The following ANO4 variants were observed in gnomAD, a reference collection of about 807,000 sequenced individuals.
ANO4 encodes the protein anoctamin-4.
In ANO4, 69 loss-of-function variants were observed where a neutral mutation model predicts 141.9. That is an observed-to-expected ratio of 0.49 (90% CI 0.40 to 0.59). ANO4 has a LOEUF of 0.59. ANO4 is among the 20% of genes least tolerant of loss of function. The probability of loss-of-function intolerance (pLI) is 0.00; values close to 1 mark genes in which losing one functional copy is unlikely to be tolerated. For missense variants in ANO4, 894 were observed against 1,162.2 expected (o/e 0.77, Z 3.36); for synonymous variants, 350 against 394.3 (o/e 0.89, Z 1.33).
At chr12:100,784,519 A>G (rs1029969252) in intron 3 of ANO4, among the ~76,000 whole-genome samples, 2 of 152,196 alleles carry the variant, frequency 1.3e-5, no homozygotes, top group African/African-American at 2.4e-5. Flanking sequence ...TTGAGAGTCA[A>G]TAATTTACAG....
chr12:100,838,808 G>A (rs2037083491), intron 1 of ANO4, among the ~76,000 whole-genome samples: 1 of 152,134 alleles, frequency 6.6e-6, no homozygotes, highest in African/African-American at 2.4e-5. Flanking sequence ...CTAATATGTT[G>A]GATTGCAGAG....
At chr12:100,979,702 G>A (rs2044362885) in intron 7 of ANO4, among the ~76,000 whole-genome samples, 1 of 151,922 alleles carries the variant, frequency 6.6e-6, no homozygotes, top group Admixed American at 6.6e-5. Context: ...GTGAATAAGA[G>A]CTTGAGAAAT....
chr12:101,028,590 C>T (rs952475402), intron 9 of ANO4, among the ~76,000 whole-genome samples: 8 of 152,154 alleles, frequency 5.3e-5, no homozygotes, highest in African/African-American at 1.9e-4. Context: ...GTTTGAAGAC[C>T]ACCTCACTGA....
chr12:101,064,760 A>G (rs2048508211), intron 14 of ANO4, among the ~76,000 whole-genome samples: 1 of 151,816 alleles, frequency 6.6e-6, no homozygotes, highest in Non-Finnish European at 1.5e-5. Context: ...CCCACTATCA[A>G]CAACGGTCCA....
intron 5 of ANO4, among the ~76,000 whole-genome samples, chr12:100,947,397 G>A (rs1212876855): frequency 3.3e-5 from 5 of 152,270 alleles, no homozygotes; most frequent in African/African-American, 1.2e-4. Flanking sequence ...TGCTAAGGGT[G>A]TCCTGTCCAT....
intron 3 of ANO4, among the ~76,000 whole-genome samples, chr12:100,782,631 C>T (rs1297033012): frequency 6.6e-6 from 1 of 152,150 alleles, no homozygotes; most frequent in African/African-American, 2.4e-5. Flanking sequence ...TGACCTTGGG[C>T]AATGCTGAAC....
At chr12:101,040,142 GA>G in intron 11 of ANO4, 66 bp downstream of exon 11, 2 of 1,504,644 alleles carry the variant, frequency 1.3e-6, no homozygotes. Flanking sequence ...TGTCAGCTGG[GA>G]CAAGCTCCCA....
intron 16 of ANO4, among the ~76,000 whole-genome samples, chr12:101,084,394 G>A (rs1223030728): frequency 1.3e-5 from 2 of 152,056 alleles, no homozygotes; most frequent in Non-Finnish European, 2.9e-5. Context: ...TCAGTTTTTA[G>A]CTTTTCCTAA....
At chr12:100,965,334 A>G (rs144024410) in intron 5 of ANO4, among the ~76,000 whole-genome samples, 5 of 151,814 alleles carry the variant, frequency 3.3e-5, no homozygotes, top group African/African-American at 9.7e-5. Flanking sequence ...AAGTCCGTCT[A>G]TTTCTCCTTT....
chr12:101,064,045 T>G (rs571436605), intron 14 of ANO4, among the ~76,000 whole-genome samples: 2 of 152,158 alleles, frequency 1.3e-5, no homozygotes, highest in East Asian at 1.9e-4. Context: ...TTATCTTTCA[T>G]TTTGTTCCTC....
chr12:100,754,422 C>A (rs1852949151), intron 3 of ANO4, among the ~76,000 whole-genome samples: 1 of 151,982 alleles, frequency 6.6e-6, no homozygotes, highest in Admixed American at 6.6e-5. Flanking sequence ...TCTATTCCAA[C>A]CCCCACCCCC....
At chr12:100,799,382 G>C (rs182543760) in intron 1 of ANO4, among the ~76,000 whole-genome samples, 1 of 152,270 alleles carries the variant, frequency 6.6e-6, no homozygotes, top group East Asian at 1.9e-4. Flanking sequence ...TTCATGAACA[G>C]GGCGAATATG....
chr12:101,079,745 A>G (rs377519327), intron 15 of ANO4, among the ~76,000 whole-genome samples: 2 of 152,190 alleles, frequency 1.3e-5, no homozygotes, highest in Non-Finnish European at 2.9e-5. Flanking sequence ...TGCTGGGGAC[A>G]ATCCACTCTG....
intron 3 of ANO4, among the ~76,000 whole-genome samples, chr12:100,755,994 G>A (rs537589028): frequency 6.6e-6 from 1 of 152,106 alleles, no homozygotes; most frequent in South Asian, 2.1e-4. Context: ...AAATAAAGTA[G>A]TTTTCCTTCT....
intron 14 of ANO4, among the ~76,000 whole-genome samples, chr12:101,056,136 A>T (rs149860065): frequency 2.1e-3 from 313 of 152,310 alleles, no homozygotes; most frequent in African/African-American, 7.2e-3. Flanking sequence ...ATTTCCAAAA[A>T]AATTGTAGAA....
chr12:100,988,484 G>A (rs1391884775), intron 8 of ANO4, among the ~76,000 whole-genome samples: 5 of 150,402 alleles, frequency 3.3e-5, no homozygotes, highest in Non-Finnish European at 7.4e-5. Context: ...TCTTGCTCCA[G>A]CAGTAGTGAC....
At position 101,020,057 on chromosome 12, in the gene ANO4, C is replaced by A. The variant is rs746572598; in HGVS notation, c.758C>A (p.Thr253Lys). The change falls in exon 9 of 28, where the codon ACG (threonine) becomes AAG (lysine). Residue 253 changes from threonine to lysine, a missense_variant. Thr to Lys is a moderately conservative substitution (Grantham distance 78). This residue lies in a region of ANO4 where 637 missense variants were observed against 909.2 expected (regional missense o/e 0.70). Coordinates refer to ENST00000392977, the MANE Select transcript of ANO4 (RefSeq NM_001286615.2). ...AGCTTCATCATACACAACAAAGAAACGTTCTTCAACAATGCCACAAGAAGT... is the reference window on the plus strand; with the variant it reads ...AGCTTCATCATACACAACAAAGAAAAGTTCTTCAACAATGCCACAAGAAGT... ...IHHFIIHNKE[T>K]FFNNATRSRI... is the part of the protein sequence containing the mutation. 6.2e-7 allele frequency: 1 copy of A among 1,612,938 alleles called. No homozygotes were observed. Among genetic ancestry groups the A allele is most frequent in the South Asian group, 1.1e-5 (1 of 90,996 alleles).
At chr12:100,781,167 T>C (rs77352549) in intron 3 of ANO4, among the ~76,000 whole-genome samples, 1,907 of 152,340 alleles carry the variant, frequency 0.013, 25 homozygotes, top group African/African-American at 0.043. Flanking sequence ...ACAATGCTCA[T>C]TTATTAGATA....
intron 8 of ANO4, among the ~76,000 whole-genome samples, chr12:100,996,509 C>A (rs1208584436): frequency 6.6e-6 from 1 of 152,122 alleles, no homozygotes; most frequent in African/African-American, 2.4e-5. Flanking sequence ...CATGGTGAAA[C>A]CCTGTCTCTA....
Sources: gnomAD v4.1 joint callset for allele counts (sites outside exome capture counted in the v4.1 genomes callset) on GRCh38, gnomAD v4.1.1 for gene constraint, gnomAD v4.1.1 regional missense constraint, MANE v1.5 for transcripts, NCBI Gene and HGNC (gene_info 2026-07-23, HGNC 2026-07-21) for gene names.